The following SUCLG2 variants were observed in gnomAD, a reference collection of about 807,000 sequenced individuals.
The protein encoded by SUCLG2 is succinate--CoA ligase [GDP-forming] subunit beta, mitochondrial.
SUCLG2 carries 42 observed loss-of-function variants against 47.9 expected under a neutral mutation model. The ratio of observed to expected loss-of-function variants is 0.88; its 90% confidence interval spans 0.69 to 1.14. The LOEUF (loss-of-function observed/expected upper bound fraction) is 1.14, where lower values mean the gene tolerates loss of function less well. SUCLG2 is among the 50% of genes most tolerant of loss of function. SUCLG2 has a pLI of 0.00. For missense variants in SUCLG2, 571 were observed against 525.9 expected (o/e 1.09, Z -0.84); for synonymous variants, 195 against 197.3 (o/e 0.99, Z 0.10).
chr3:67,649,333 T>C (rs1190030652), intron 1 of SUCLG2, among the ~76,000 whole-genome samples: 2 of 152,236 alleles, frequency 1.3e-5, no homozygotes, highest in South Asian at 2.1e-4. Flanking sequence ...TTCTTATTCC[T>C]GTCTGCATTC....
intron 1 of SUCLG2, among the ~76,000 whole-genome samples, chr3:67,635,406 A>G (rs988040666): frequency 6.6e-5 from 10 of 152,220 alleles, no homozygotes; most frequent in Admixed American, 2.0e-4. Context: ...TGTATCAGAC[A>G]TAAGTGAAAA....
At chr3:67,526,550 C>T (rs770483186) in intron 4 of SUCLG2, among the ~76,000 whole-genome samples, 8 of 152,166 alleles carry the variant, frequency 5.3e-5, no homozygotes, top group Non-Finnish European at 1.0e-4. Context: ...CATGAACAGA[C>T]AATTCACCAA....
chr3:67,507,994 T>C (rs1705684904), intron 7 of SUCLG2, among the ~76,000 whole-genome samples: 1 of 152,244 alleles, frequency 6.6e-6, no homozygotes, highest in Admixed American at 6.5e-5. Flanking sequence ...TGCTATCAAA[T>C]TAATAAGAAC....
intron 10 of SUCLG2, among the ~76,000 whole-genome samples, chr3:67,389,435 T>G (rs532094170): frequency 1.3e-5 from 2 of 152,252 alleles, no homozygotes; most frequent in African/African-American, 2.4e-5. Context: ...ATAAACCACA[T>G]GCAGAACTGT....
At chr3:67,630,904 A>AT (rs1261734330) in intron 1 of SUCLG2, among the ~76,000 whole-genome samples, 1 of 152,216 alleles carries the variant, frequency 6.6e-6, no homozygotes, top group African/African-American at 2.4e-5. Context: ...CTGCCCCTTT[A>AT]TGTACTGTCT....
chr3:67,592,806 T>A (rs1017963725), intron 2 of SUCLG2, among the ~76,000 whole-genome samples: 1 of 151,460 alleles, frequency 6.6e-6, no homozygotes, highest in African/African-American at 2.4e-5. Context: ...TCAAATATTG[T>A]TTCTACCACA....
At chr3:67,592,089 T>C (rs1708179248) in intron 2 of SUCLG2, among the ~76,000 whole-genome samples, 1 of 152,228 alleles carries the variant, frequency 6.6e-6, no homozygotes, top group Non-Finnish European at 1.5e-5. Context: ...ATATGATTAG[T>C]TCCTTTCATA....
chr3:67,580,937 CA>C (rs1463445831), intron 2 of SUCLG2, among the ~76,000 whole-genome samples: 1 of 152,138 alleles, frequency 6.6e-6, no homozygotes, highest in African/African-American at 2.4e-5. Flanking sequence ...GGTATATGAA[CA>C]GGAAGCCTGG....
chr3:67,581,968 A>G (rs1707889074), intron 2 of SUCLG2, among the ~76,000 whole-genome samples: 1 of 152,224 alleles, frequency 6.6e-6, no homozygotes. Context: ...TTAACTTACA[A>G]TACCCAAATT....
chr3:67,396,870 A>G (rs1238645909), intron 10 of SUCLG2, among the ~76,000 whole-genome samples: 2 of 152,220 alleles, frequency 1.3e-5, no homozygotes, highest in Non-Finnish European at 2.9e-5. Flanking sequence ...GGTTCAATAT[A>G]CGAAAATAAA....
intron 9 of SUCLG2, among the ~76,000 whole-genome samples, chr3:67,474,827 T>G (rs1246661534): frequency 6.6e-6 from 1 of 152,186 alleles, no homozygotes; most frequent in Admixed American, 6.5e-5. Context: ...GAAGCCCTAT[T>G]CCCAGCTTTC....
intron 10 of SUCLG2, among the ~76,000 whole-genome samples, chr3:67,386,666 T>C (rs1702267506): frequency 6.6e-6 from 1 of 152,174 alleles, no homozygotes; most frequent in Admixed American, 6.5e-5. Flanking sequence ...TTATTCACTA[T>C]CAGGAGAACA....
chr3:67,616,545 T>TA (rs1475978995), intron 1 of SUCLG2, among the ~76,000 whole-genome samples: 2 of 152,210 alleles, frequency 1.3e-5, no homozygotes, highest in Non-Finnish European at 2.9e-5. Flanking sequence ...ATCTATAATT[T>TA]AAAAAAATTT....
intron 2 of SUCLG2, among the ~76,000 whole-genome samples, chr3:67,540,334 G>A (rs1013703161): frequency 2.0e-5 from 3 of 151,908 alleles, no homozygotes; most frequent in Non-Finnish European, 4.4e-5. Flanking sequence ...ACATCAGTCT[G>A]AAGTCCACCT....
intron 2 of SUCLG2, among the ~76,000 whole-genome samples, chr3:67,553,366 A>C (rs1707067251): frequency 6.6e-6 from 1 of 152,252 alleles, no homozygotes; most frequent in Non-Finnish European, 1.5e-5. Context: ...TGCTTTAATA[A>C]AGTGACAAAT....
chr3:67,595,334 C>T, intron 2 of SUCLG2, among the ~76,000 whole-genome samples: 1 of 152,070 alleles, frequency 6.6e-6, no homozygotes, highest in Admixed American at 6.6e-5. Flanking sequence ...AAGGGGGCTG[C>T]TTGCAGTATT....
At chr3:67,607,529 A>C (rs1362680118) in intron 2 of SUCLG2, among the ~76,000 whole-genome samples, 1 of 152,140 alleles carries the variant, frequency 6.6e-6, no homozygotes, top group Non-Finnish European at 1.5e-5. Context: ...ACCGACACCT[A>C]CAAAGTCTGT....
At chr3:67,475,261 T>A (rs1218178955) in intron 9 of SUCLG2, among the ~76,000 whole-genome samples, 1 of 152,160 alleles carries the variant, frequency 6.6e-6, no homozygotes, top group Non-Finnish European at 1.5e-5. Context: ...CCTACCTAAC[T>A]GAAACAAGAC....
intron 9 of SUCLG2, among the ~76,000 whole-genome samples, chr3:67,489,826 C>G (rs1705161249): frequency 6.6e-6 from 1 of 152,158 alleles, no homozygotes; most frequent in Admixed American, 6.5e-5. Flanking sequence ...GATCTTAACT[C>G]TGCTTGATTT....
Sources: allele counts gnomAD v4.1 joint callset (sites outside exome capture counted in the v4.1 genomes callset), GRCh38; gene constraint gnomAD v4.1.1; transcripts MANE v1.5; gene names NCBI Gene and HGNC (gene_info 2026-07-23, HGNC 2026-07-21).